Variants in GAB2 observed in about 807,000 individuals in gnomAD.
The protein encoded by GAB2 is GRB2-associated-binding protein 2.
In GAB2, 26 loss-of-function variants were observed where a neutral mutation model predicts 65.5. That is an observed-to-expected ratio of 0.40 (90% CI 0.29 to 0.55). The LOEUF is 0.55. Among genes scored for constraint, GAB2 ranks in the 20% least tolerant of loss-of-function variants. The pLI, the probability that GAB2 is intolerant of heterozygous loss-of-function variation, is 0.53. For synonymous variants in GAB2, 321 were observed against 329.6 expected, an observed-to-expected ratio of 0.97 and a Z score of 0.28; for missense variants, 884 against 875.8, an observed-to-expected ratio of 1.01 and a Z score of -0.12.
At chr11:78,358,431 A>G (rs1466377480) in intron 1 of GAB2, among the ~76,000 whole-genome samples, 5 of 141,846 alleles carry the variant, frequency 3.5e-5, no homozygotes, top group Admixed American at 7.1e-5. Flanking sequence ...GTACCCTAGA[A>G]CTTAAAATAT....
chr11:78,349,844 A>C (rs918961875), intron 1 of GAB2, among the ~76,000 whole-genome samples: 2 of 151,938 alleles, frequency 1.3e-5, no homozygotes, highest in African/African-American at 4.8e-5. Flanking sequence ...CTCCATGTTC[A>C]CCCACCCACT....
intron 1 of GAB2, among the ~76,000 whole-genome samples, chr11:78,330,404 G>A (rs1436507299): frequency 1.3e-5 from 2 of 152,190 alleles, no homozygotes; most frequent in African/African-American, 4.8e-5. Flanking sequence ...TTTGCGTTTT[G>A]GAGTTTTTCA....
chr11:78,409,325 C>A (rs574909835), intron 1 of GAB2, among the ~76,000 whole-genome samples: 1 of 152,264 alleles, frequency 6.6e-6, no homozygotes, highest in South Asian at 2.1e-4. Context: ...TGGCTCATGT[C>A]TGTAATCCCA....
chr11:78,367,693 T>C (rs1856514222), intron 1 of GAB2, among the ~76,000 whole-genome samples: 1 of 152,212 alleles, frequency 6.6e-6, no homozygotes. Flanking sequence ...TATAGTGTTA[T>C]AAACCAAGTG....
At chr11:78,220,498 C>A in intron 8 of GAB2, 54 bp from the exon 9 acceptor site, 5 of 1,504,780 alleles carry the variant, frequency 3.3e-6, no homozygotes, top group Non-Finnish European at 4.5e-6. Flanking sequence ...ACTAACCCAC[C>A]ACCCAGAAAA....
At chr11:78,402,844 G>A (rs548056596) in intron 1 of GAB2, among the ~76,000 whole-genome samples, 14 of 151,892 alleles carry the variant, frequency 9.2e-5, no homozygotes, top group African/African-American at 3.1e-4. Context: ...GCCCCAGCCC[G>A]CCCCACCACC....
chr11:78,244,321 G>A (rs1191123139), intron 3 of GAB2, among the ~76,000 whole-genome samples: 1 of 152,048 alleles, frequency 6.6e-6, no homozygotes, highest in Non-Finnish European at 1.5e-5. Flanking sequence ...GACCCTGGGA[G>A]GCAGAAGTTG....
At chr11:78,376,547 TA>T (rs1233231361) in intron 1 of GAB2, among the ~76,000 whole-genome samples, 1 of 152,236 alleles carries the variant, frequency 6.6e-6, no homozygotes, top group Admixed American at 6.5e-5. Context: ...ATCTTTTAAG[TA>T]AAAGGTTGTG....
chr11:78,324,883 A>C (rs1416687258), intron 1 of GAB2: 2 of 152,172 alleles, frequency 1.3e-5, no homozygotes, highest in Non-Finnish European at 2.9e-5. Context: ...TAAAGTCATT[A>C]ATTTTACAGT....
rs146536874 is a variant in GAB2 at position 78,239,628 on chromosome 11, C to G, written c.620+10529G>C. Among the ~76,000 whole-genome samples the G allele has an allele frequency of 7.2e-5, 11 of 152,274 alleles. No homozygotes were observed. In the East Asian group the frequency reaches 1.9e-3, roughly 27 times the overall value. ...AAACTTGGGATGGTCACACAGAGAA[C>G]AGAAGGAAACACACTAGGCCTTCAC... On this transcript the variant is annotated intron_variant, in intron 3 of 9. Transcript: ENST00000361507.
At chr11:78,292,191 T>C (rs1443828933) in intron 1 of GAB2, among the ~76,000 whole-genome samples, 3 of 152,220 alleles carry the variant, frequency 2.0e-5, no homozygotes, top group Non-Finnish European at 4.4e-5. Context: ...ACCATAAACC[T>C]CACTTCATAG....
intron 1 of GAB2, among the ~76,000 whole-genome samples, chr11:78,360,216 G>C (rs1306521463): frequency 2.0e-5 from 3 of 152,038 alleles, no homozygotes; most frequent in Non-Finnish European, 2.9e-5. Flanking sequence ...ACTGTAAGAC[G>C]ATAAATCTCT....
chr11:78,401,733 T>C (rs947330276), intron 1 of GAB2, among the ~76,000 whole-genome samples: 1 of 152,154 alleles, frequency 6.6e-6, no homozygotes, highest in East Asian at 1.9e-4. Context: ...CACACACATA[T>C]CACATTTTGT....
intron 1 of GAB2, among the ~76,000 whole-genome samples, chr11:78,347,197 T>C (rs1856205637): frequency 6.6e-6 from 1 of 152,174 alleles, no homozygotes. Flanking sequence ...GCTTTTGAGA[T>C]ACAGACCTAA....
intron 1 of GAB2, among the ~76,000 whole-genome samples, chr11:78,331,248 CTTT>C (rs200423408): frequency 9.2e-5 from 13 of 141,934 alleles, no homozygotes; most frequent in Non-Finnish European, 1.1e-4. Flanking sequence ...ATTCTCCATT[CTTT>C]TTTTTTTTTT....
chr11:78,283,335 A>G (rs1866380560), intron 1 of GAB2, among the ~76,000 whole-genome samples: 1 of 152,220 alleles, frequency 6.6e-6, no homozygotes, highest in South Asian at 2.1e-4. Context: ...GTGCACAAAG[A>G]CATCACTTCA....
intron 1 of GAB2, among the ~76,000 whole-genome samples, chr11:78,360,021 AG>A (rs1856411521): frequency 6.6e-6 from 1 of 152,196 alleles, no homozygotes; most frequent in Non-Finnish European, 1.5e-5. Context: ...AGATAGAGGA[AG>A]AACAGACAGA....
intron 8 of GAB2, 49 bp downstream of exon 8, chr11:78,221,628 T>C: frequency 1.7e-6 from 2 of 1,162,458 alleles, no homozygotes; most frequent in Non-Finnish European, 2.6e-6. Context: ...GAGGGGTGGG[T>C]CCCAGGGGAC....
At chr11:78,273,174 G>T (rs571137970) in intron 2 of GAB2, among the ~76,000 whole-genome samples, 2 of 152,366 alleles carry the variant, frequency 1.3e-5, no homozygotes, top group African/African-American at 4.8e-5. Flanking sequence ...TCCCTTCTGG[G>T]GCACCGCCTA....
Sources: gnomAD v4.1 joint callset for allele counts (sites outside exome capture counted in the v4.1 genomes callset) on GRCh38, gnomAD v4.1.1 for gene constraint, MANE v1.5 for transcripts, NCBI Gene and HGNC (gene_info 2026-07-23, HGNC 2026-07-21) for gene names.